GRIA3: variants seen among roughly 807,000 people sequenced by gnomAD.
The protein encoded by GRIA3 is glutamate ionotropic receptor AMPA type subunit 3.
A neutral mutation model predicts 63.0 loss-of-function variants in GRIA3; 3 were observed. The ratio of observed to expected loss-of-function variants is 0.05; its 90% CI spans 0.02 to 0.12. GRIA3 has a LOEUF of 0.12. Ranked by LOEUF, GRIA3 falls within the 10% of genes least tolerant of loss-of-function variation. The probability of loss-of-function intolerance (pLI) is 1.00; values close to 1 mark genes in which losing one functional copy is unlikely to be tolerated. For missense variants in GRIA3, 347 were observed against 700.9 expected (o/e 0.50, Z 5.70); for synonymous variants, 274 against 257.9 (o/e 1.06, Z -0.60).
chrX:123,393,034 T>C lies in GRIA3; in HGVS notation c.751-1934T>C, dbSNP rs193049883. The stretch of plus-strand genomic sequence containing the variant: ...AAACACTGAGTCTTATTTTCCCTCA[T>C]GAAGAAAGCCTTTGGGAGAAAACTC... On this transcript the variant is annotated intron_variant, in intron 5 of 15. Coordinates refer to ENST00000620443, the MANE Select transcript of GRIA3 (RefSeq NM_007325.5). Among the ~76,000 whole-genome samples the C allele has an allele frequency of 5.3e-3, 594 of 112,270 alleles. 2 individuals carry two copies. Among genetic ancestry groups the C allele is most frequent in the African/African-American group, 0.018 (557 of 30,913 alleles).
chrX:123,402,621 G>A (rs887684475), intron 7 of GRIA3, among the ~76,000 whole-genome samples: 1 of 111,007 alleles, frequency 9.0e-6, no homozygotes, highest in African/African-American at 3.3e-5. Context: ...ATTAAGATAA[G>A]ACACAGCCAT....
intron 3 of GRIA3, among the ~76,000 whole-genome samples, chrX:123,308,977 A>G (rs981556924): frequency 1.3e-4 from 15 of 112,603 alleles, no homozygotes; most frequent in African/African-American, 4.5e-4. Flanking sequence ...AGTGGAGAGC[A>G]ATGACCCCCT....
At chrX:123,292,287 G>C (rs1173847390) in intron 3 of GRIA3, among the ~76,000 whole-genome samples, 1 of 111,362 alleles carries the variant, frequency 9.0e-6, no homozygotes, top group Admixed American at 9.6e-5. Context: ...AATTGGATTT[G>C]TGCCTGGATG....
intron 2 of GRIA3, among the ~76,000 whole-genome samples, chrX:123,186,283 T>A (rs1272208758): frequency 9.1e-6 from 1 of 109,440 alleles, no homozygotes; most frequent in Non-Finnish European, 1.9e-5. Flanking sequence ...TCCAACACTC[T>A]CTCTCTTTTT....
intron 3 of GRIA3, among the ~76,000 whole-genome samples, chrX:123,321,590 C>T (rs966680351): frequency 5.3e-5 from 6 of 112,229 alleles, no homozygotes; most frequent in Non-Finnish European, 1.1e-4. Flanking sequence ...TAAATGTGTT[C>T]AGCATGGAGC....
intron 10 of GRIA3, 21 bp from the exon 11 acceptor site, chrX:123,417,377 TTTTC>T (rs765151755): frequency 8.7e-7 from 1 of 1,154,925 alleles, no homozygotes; most frequent in Admixed American, 2.2e-5. Flanking sequence ...GTCATATATG[TTTTC>T]TTTTTTTTCT....
chrX:123,319,352 C>T (rs927392051), intron 3 of GRIA3, among the ~76,000 whole-genome samples: 7 of 112,170 alleles, frequency 6.2e-5, no homozygotes, highest in Non-Finnish European at 9.4e-5. Context: ...CACCTAACAA[C>T]GCATTTCTCA....
intron 3 of GRIA3, among the ~76,000 whole-genome samples, chrX:123,321,372 T>A (rs193005127): frequency 8.9e-6 from 1 of 111,794 alleles, no homozygotes; most frequent in South Asian, 3.8e-4. Context: ...TGGGGGACTG[T>A]TAAAAGACCC....
intron 12 of GRIA3, among the ~76,000 whole-genome samples, chrX:123,436,418 T>C (rs2045644608): frequency 1.8e-5 from 2 of 111,557 alleles, no homozygotes; most frequent in Admixed American, 1.9e-4. Flanking sequence ...ATATAAAATA[T>C]TACTATTGTG....
Position 123,451,505 on chromosome X carries a change from T to TAAAAAAAA in GRIA3, c.2077-13332_2077-13325dup, listed in dbSNP as rs56991039. Reference sequence around the variant, plus strand: ...GGACAACAGAGAGAGACTCTGTCTCTAAAAAAAAAAAAAAAAAAAAAAAAA... The same window carrying TAAAAAAAA: ...GGACAACAGAGAGAGACTCTGTCTCTAAAAAAAAAAAAAAAAAAAAAAAAAAAAAAAAA... On this transcript the variant is annotated intron_variant, in intron 12 of 15. Coordinates refer to ENST00000620443, the MANE Select transcript of GRIA3 (RefSeq NM_007325.5). 2.8e-3 allele frequency among the ~76,000 whole-genome samples: 46 copies of TAAAAAAAA among 16,195 alleles called. 1 individual carries two copies. The highest frequency in any genetic ancestry group is 4.7e-3 in the Admixed American group (3 of 633). The allele number at this position is 16,195 out of a possible 115,157, so 14.1% of individuals were successfully genotyped here.
At chrX:123,273,997 C>T (rs1230069442) in intron 3 of GRIA3, among the ~76,000 whole-genome samples, 2 of 111,957 alleles carry the variant, frequency 1.8e-5, no homozygotes, top group Non-Finnish European at 3.8e-5. Context: ...AAGCAATGAG[C>T]CAGGCCAGTG....
intron 2 of GRIA3, among the ~76,000 whole-genome samples, chrX:123,221,689 T>C (rs777077231): frequency 3.6e-5 from 4 of 111,058 alleles, no homozygotes; most frequent in Non-Finnish European, 5.7e-5. Context: ...TGTTAACACT[T>C]TTATCCTCAT....
chrX:123,295,684 A>C (rs1351894857), intron 3 of GRIA3, among the ~76,000 whole-genome samples: 1 of 111,523 alleles, frequency 9.0e-6, no homozygotes, highest in African/African-American at 3.2e-5. Context: ...GGGATCTATA[A>C]AAAAGGAAAT....
chrX:123,268,134 AT>A (rs895328832), intron 3 of GRIA3, among the ~76,000 whole-genome samples: 1 of 111,741 alleles, frequency 8.9e-6, no homozygotes, highest in Non-Finnish European at 1.9e-5. Flanking sequence ...TAAGCTTAGT[AT>A]TTTTTGCTAA....
chrX:123,326,340 T>C, intron 4 of GRIA3, 127 bp downstream of exon 4: 1 of 430,462 alleles, frequency 2.3e-6, no homozygotes, highest in Non-Finnish European at 4.0e-6. Context: ...ATAGTCTCTC[T>C]AATCCTTTTT....
At chrX:123,361,264 C>T (rs2045172483) in intron 5 of GRIA3, 1 of 112,073 alleles carries the variant, frequency 8.9e-6, no homozygotes, top group African/African-American at 3.2e-5. Context: ...CTGTTCTCTA[C>T]TTTCCCTTTC....
intron 3 of GRIA3, among the ~76,000 whole-genome samples, chrX:123,283,789 C>A (rs191935749): frequency 8.9e-6 from 1 of 112,814 alleles, no homozygotes; most frequent in East Asian, 2.8e-4. Flanking sequence ...TGGGACAGAG[C>A]ACCTGGAGGA....
At chrX:123,371,033 A>AC (rs1362494668) in intron 5 of GRIA3, among the ~76,000 whole-genome samples, 1 of 33,146 alleles carries the variant, frequency 3.0e-5, no homozygotes, top group Non-Finnish European at 5.9e-5. Context: ...CCTCCCACCC[A>AC]CCCCCACTAC....
intron 3 of GRIA3, among the ~76,000 whole-genome samples, chrX:123,283,053 T>C (rs185462634): frequency 8.9e-6 from 1 of 111,990 alleles, no homozygotes; most frequent in East Asian, 2.8e-4. Context: ...CCCAGCTTAC[T>C]TCATGGGGAC....
Sources: allele counts gnomAD v4.1 joint callset (sites outside exome capture counted in the v4.1 genomes callset), GRCh38; gene constraint gnomAD v4.1.1; transcripts MANE v1.5; gene names NCBI Gene and HGNC (gene_info 2026-07-23, HGNC 2026-07-21).